The following ATG7 variants were observed in gnomAD, a reference collection of about 807,000 sequenced individuals.
ATG7 encodes autophagy related 7.
ATG7 carries 70 observed loss-of-function variants against 82.4 expected under a neutral mutation model. The observed-to-expected ratio is 0.85, with a 90% confidence interval of 0.70 to 1.04. The LOEUF is 1.04. Ranked by LOEUF, ATG7 falls within the 50% of genes least tolerant of loss-of-function variation. The probability of loss-of-function intolerance (pLI) is 0.00; values close to 1 mark genes in which losing one functional copy is unlikely to be tolerated. For missense variants in ATG7, 792 were observed against 864.3 expected, an observed-to-expected ratio of 0.92 and a Z score of 1.05; for synonymous variants, 287 against 313.0, an observed-to-expected ratio of 0.92 and a Z score of 0.88.
chr3:11,299,461 T>C (rs1387528199), intron 5 of ATG7, 45 bp downstream of exon 5: 1 of 1,558,990 alleles, frequency 6.4e-7, no homozygotes, highest in Non-Finnish European at 8.8e-7. Flanking sequence ...AATACTACTT[T>C]TGGCAAGGAA....
intron 18 of ATG7, among the ~76,000 whole-genome samples, chr3:11,378,558 G>T (rs1004895723): frequency 6.6e-6 from 1 of 150,818 alleles, no homozygotes; most frequent in Non-Finnish European, 1.5e-5. Context: ...GGTGGTGGGC[G>T]CCTGTAATTC....
At chr3:11,505,298 AAAG>A (rs1431717169) in intron 20 of ATG7, among the ~76,000 whole-genome samples, 5 of 152,202 alleles carry the variant, frequency 3.3e-5, no homozygotes, top group South Asian at 4.1e-4. Context: ...CAGGTAGAGA[AAAG>A]AAGACTAGCG....
At chr3:11,452,948 G>A (rs149278513) in intron 20 of ATG7, among the ~76,000 whole-genome samples, 252 of 152,278 alleles carry the variant, frequency 1.7e-3, no homozygotes, top group African/African-American at 5.7e-3. Context: ...GCACGATTCC[G>A]TGGGCTGTAG....
chr3:11,501,883 T>A (rs1183263227), intron 20 of ATG7, among the ~76,000 whole-genome samples: 2 of 152,192 alleles, frequency 1.3e-5, no homozygotes, highest in South Asian at 2.1e-4. Context: ...AGAGACGGGG[T>A]TTCACCATGT....
At chr3:11,447,916 G>T (rs890132781) in intron 20 of ATG7, among the ~76,000 whole-genome samples, 3 of 152,188 alleles carry the variant, frequency 2.0e-5, no homozygotes, top group African/African-American at 7.2e-5. Context: ...GCAGATGGAT[G>T]GGTGTTGGGC....
downstream of ATG7, among the ~76,000 whole-genome samples, chr3:11,559,790 G>C (rs1319152540): frequency 6.6e-6 from 1 of 152,182 alleles, no homozygotes; most frequent in Non-Finnish European, 1.5e-5. Flanking sequence ...GGTTGCAGGA[G>C]GGACCTCGAT....
At chr3:11,405,717 T>A (rs1324604394) in intron 19 of ATG7, among the ~76,000 whole-genome samples, 1 of 152,108 alleles carries the variant, frequency 6.6e-6, no homozygotes, top group African/African-American at 2.4e-5. Context: ...AGCCTCAACT[T>A]CCCAGGCTCA....
chr3:11,363,483 C>CAGCTG (rs1164118395), intron 17 of ATG7, among the ~76,000 whole-genome samples: 1 of 152,170 alleles, frequency 6.6e-6, no homozygotes, highest in Non-Finnish European at 1.5e-5. Context: ...CCTCAGTGAT[C>CAGCTG]AGAAGTGATT....
intron 20 of ATG7, among the ~76,000 whole-genome samples, chr3:11,498,291 A>C (rs563346482): frequency 6.6e-6 from 1 of 152,334 alleles, no homozygotes; most frequent in South Asian, 2.1e-4. Context: ...TCCCAGCACA[A>C]TCAAGGGACA....
chr3:11,320,454 A>G (rs1298087343), intron 9 of ATG7, among the ~76,000 whole-genome samples: 1 of 151,880 alleles, frequency 6.6e-6, no homozygotes, highest in African/African-American at 2.4e-5. Context: ...CACCTGGCTA[A>G]TTTTTTTATC....
At chr3:11,559,395 A>G, downstream of ATG7, 1 of 1,560,694 alleles carries the variant, frequency 6.4e-7, no homozygotes, top group Non-Finnish European at 8.7e-7. Context: ...GCGATGGGGC[A>G]GTGCGAGAGG....
At chr3:11,353,942 G>C (rs769326044) in intron 14 of ATG7, among the ~76,000 whole-genome samples, 2 of 152,184 alleles carry the variant, frequency 1.3e-5, no homozygotes, top group Middle Eastern at 3.2e-3. Flanking sequence ...CCTTTACCCT[G>C]CTTCTTCTGG....
At chr3:11,437,512 A>G (rs2083470923) in intron 20 of ATG7, among the ~76,000 whole-genome samples, 1 of 152,214 alleles carries the variant, frequency 6.6e-6, no homozygotes, top group Non-Finnish European at 1.5e-5. Context: ...GCAGGTGTTT[A>G]GAGGATCTAA....
At chr3:11,315,980 A>C (rs963218356) in intron 9 of ATG7, among the ~76,000 whole-genome samples, 1 of 152,142 alleles carries the variant, frequency 6.6e-6, no homozygotes, top group Non-Finnish European at 1.5e-5. Flanking sequence ...CGGCCTCCCA[A>C]ACTGCTGGGA....
intron 14 of ATG7, among the ~76,000 whole-genome samples, chr3:11,358,143 C>A (rs890225194): frequency 6.6e-6 from 1 of 152,104 alleles, no homozygotes; most frequent in Non-Finnish European, 1.5e-5. Context: ...GTCCTTACCT[C>A]AGGTAGGATG....
intron 20 of ATG7, among the ~76,000 whole-genome samples, chr3:11,516,466 G>A (rs1159791892): frequency 6.6e-6 from 1 of 152,182 alleles, no homozygotes; most frequent in Non-Finnish European, 1.5e-5. Context: ...GTGAGAATGT[G>A]GAGCAACAGA....
At chr3:11,426,672 A>G in intron 19 of ATG7, 132 bp from the exon 20 acceptor site, 1 of 851,134 alleles carries the variant, frequency 1.2e-6, no homozygotes, top group Admixed American at 3.7e-5. Context: ...TGGCCACTAG[A>G]TTGCATTATT....
At chr3:11,486,082 G>T (rs1474007068) in intron 20 of ATG7, among the ~76,000 whole-genome samples, 1 of 152,164 alleles carries the variant, frequency 6.6e-6, no homozygotes, top group East Asian at 1.9e-4. Context: ...TGTGAAGAAG[G>T]TCCTTGGTAG....
chr3:11,290,622 T>G (rs1027227994), intron 3 of ATG7: 1 of 309,904 alleles, frequency 3.2e-6, no homozygotes, highest in Non-Finnish European at 6.3e-6. Flanking sequence ...TATTTTAGGC[T>G]TCAGACGCAC....
Sources: gnomAD v4.1 joint callset for allele counts (sites outside exome capture counted in the v4.1 genomes callset) on GRCh38, gnomAD v4.1.1 for gene constraint, MANE v1.5 for transcripts, NCBI Gene and HGNC (gene_info 2026-07-23, HGNC 2026-07-21) for gene names.